PTP4A2: variants seen among roughly 807,000 people sequenced by gnomAD.
PTP4A2 encodes the protein protein tyrosine phosphatase 4A2.
In PTP4A2, 2 loss-of-function variants were observed where a neutral mutation model predicts 22.9. The observed-to-expected ratio is 0.09, with a 90% confidence interval of 0.04 to 0.27. The LOEUF (loss-of-function observed/expected upper bound fraction) is 0.27, where lower values mean the gene tolerates loss of function less well. PTP4A2 is among the 10% of genes least tolerant of loss of function. PTP4A2 has a pLI of 1.00. For synonymous variants in PTP4A2, 68 were observed against 69.1 expected, an observed-to-expected ratio of 0.98 and a Z score of 0.08; for missense variants, 103 against 205.1, an observed-to-expected ratio of 0.50 and a Z score of 3.04.
At chr1:31,919,963 C>T (rs1437523607) in intron 1 of PTP4A2, among the ~76,000 whole-genome samples, 1 of 148,272 alleles carries the variant, frequency 6.7e-6, no homozygotes, top group Non-Finnish European at 1.5e-5. Flanking sequence ...CCCGTCGCTA[C>T]TAAAAATACA....
Position 31,906,915 on chromosome 1 carries a change from T to A in PTP4A2, c.*1937A>T, listed in dbSNP as rs1651202855. The A allele has an allele frequency of 6.6e-6, 1 of 152,186 alleles. No individual in the cohort carries two copies. The highest frequency in any genetic ancestry group is 1.5e-5 in the Non-Finnish European group (1 of 68,030). The allele number at this position is 152,186 out of a possible 1,614,324, so 9.4% of individuals were successfully genotyped here. ...GCAGGTATGCTGTTTTGATCTTGAG[T>A]CTATATTAATGGAATCTATTGTTGC... On this transcript the variant is annotated 3_prime_UTR_variant, in exon 6 of 6. Transcript: ENST00000647444.
At chr1:31,918,818 G>C in intron 2 of PTP4A2, 152 bp downstream of exon 2, 3 of 520,872 alleles carry the variant, frequency 5.8e-6, no homozygotes. Flanking sequence ...AAATGTTCTT[G>C]AAAAAATCTG....
chr1:31,929,254 T>C (rs1196551553), intron 1 of PTP4A2, among the ~76,000 whole-genome samples: 6 of 152,254 alleles, frequency 3.9e-5, no homozygotes, highest in Non-Finnish European at 7.3e-5. Context: ...AACAGCACTA[T>C]GGCCAACGCC....
chr1:31,908,786 C>T lies in PTP4A2; in HGVS notation c.*66G>A, dbSNP rs1352967990. 8.8e-7 allele frequency: 1 copy of T among 1,130,090 alleles called. No individual in the cohort carries two copies. Among genetic ancestry groups the T allele is most frequent in the Admixed American group, 1.8e-5 (1 of 55,878 alleles). 70.0% of individuals were successfully genotyped at this position (1,130,090 alleles called of 1,614,324 possible). A position where few individuals can be genotyped will look rare whatever the true frequency, so the allele number is the denominator to read the frequency against. ...TGACACAGGTAATATTCCAGATTCACATTTCCAGGTACCAAGAGTTCCCTC... is the reference window on the plus strand; with the variant it reads ...TGACACAGGTAATATTCCAGATTCATATTTCCAGGTACCAAGAGTTCCCTC... On this transcript the variant is annotated 3_prime_UTR_variant, in exon 6 of 6. Transcript: ENST00000647444.
chr1:31,936,141 T>C (rs1261006357), intron 1 of PTP4A2, among the ~76,000 whole-genome samples: 1 of 152,024 alleles, frequency 6.6e-6, no homozygotes, highest in Non-Finnish European at 1.5e-5. Context: ...TGCCTGTAAT[T>C]CTATTATGTT....
At chr1:31,932,456 G>A (rs887248703) in intron 1 of PTP4A2, among the ~76,000 whole-genome samples, 26 of 152,200 alleles carry the variant, frequency 1.7e-4, no homozygotes, top group African/African-American at 6.3e-4. Flanking sequence ...ATGAAATTTA[G>A]TTTAGGCCAC....
Position 31,908,846 on chromosome 1 carries a change from T to C in PTP4A2, c.*6A>G. 1 of 1,601,104 alleles carries C rather than the reference T, an allele frequency of 6.2e-7. No individual in the cohort carries two copies. The highest frequency in any genetic ancestry group is 1.9e-4 in the Middle Eastern group (1 of 5,192). ...CAATCAAGTCAGCCTTCGTTTACAT[T>C]TCCTTCTACTGAACACAGCAATGCC... On this transcript the variant is annotated 3_prime_UTR_variant, in exon 6 of 6. Transcript: ENST00000647444.
At chr1:31,925,913 C>T (rs1252115158) in intron 1 of PTP4A2, among the ~76,000 whole-genome samples, 1 of 151,688 alleles carries the variant, frequency 6.6e-6, no homozygotes, top group Non-Finnish European at 1.5e-5. Context: ...TGGGAGGCCA[C>T]GGTGAGTGGA....
intron 1 of PTP4A2, among the ~76,000 whole-genome samples, chr1:31,928,051 GAAC>G (rs918753590): frequency 5.9e-5 from 9 of 151,418 alleles, no homozygotes; most frequent in Admixed American, 1.3e-4. Flanking sequence ...CAAGTAGATA[GAAC>G]AACAGTTCTA....
At chr1:31,912,236 C>T (rs2124150026) in intron 3 of PTP4A2, among the ~76,000 whole-genome samples, 1 of 152,330 alleles carries the variant, frequency 6.6e-6, no homozygotes, top group East Asian at 1.9e-4. Context: ...AGCATACCAA[C>T]TGGTGTCTCA....
chr1:31,922,609 T>C (rs1652222683), intron 1 of PTP4A2, among the ~76,000 whole-genome samples: 3 of 148,686 alleles, frequency 2.0e-5, no homozygotes, highest in Admixed American at 6.6e-5. Context: ...TTTCTTTCTT[T>C]CTTTCTTTCT....
intron 1 of PTP4A2, chr1:31,933,731 CAAAAT>C (rs898119435): frequency 1.3e-5 from 2 of 151,668 alleles, no homozygotes; most frequent in Admixed American, 1.3e-4. Context: ...TGGAAGAAAA[CAAAAT>C]AAAACAAAAC....
chr1:31,932,289 G>A (rs591833), intron 1 of PTP4A2, among the ~76,000 whole-genome samples: 43,192 of 152,046 alleles, frequency 0.28, 8,944 homozygotes, highest in African/African-American at 0.58. Flanking sequence ...GGAATTAAAT[G>A]CACCACTTCT....
intron 1 of PTP4A2, among the ~76,000 whole-genome samples, chr1:31,937,405 G>T (rs1056494960): frequency 5.9e-5 from 9 of 151,718 alleles, no homozygotes; most frequent in African/African-American, 2.2e-4. Context: ...ACACACCAGG[G>T]TTCACTATCG....
chr1:31,933,163 G>A (rs1289380627), intron 1 of PTP4A2: 2 of 152,194 alleles, frequency 1.3e-5, no homozygotes, highest in Non-Finnish European at 2.9e-5. Flanking sequence ...CACTATGCCT[G>A]GCTAGTTTTT....
At chr1:31,926,172 A>C (rs1001917351) in intron 1 of PTP4A2, among the ~76,000 whole-genome samples, 4 of 147,296 alleles carry the variant, frequency 2.7e-5, no homozygotes, top group East Asian at 2.0e-4. Flanking sequence ...ATATATATTT[A>C]TCTCTCCTAT....
intron 1 of PTP4A2, among the ~76,000 whole-genome samples, chr1:31,922,396 T>C (rs1013193987): frequency 6.6e-6 from 1 of 152,112 alleles, no homozygotes; most frequent in Non-Finnish European, 1.5e-5. Flanking sequence ...GGCAGGAGAA[T>C]TGCTTGAACC....
intron 1 of PTP4A2, among the ~76,000 whole-genome samples, chr1:31,922,596 T>TTG (rs1652218379): frequency 1.3e-5 from 1 of 79,224 alleles, no homozygotes; most frequent in African/African-American, 9.1e-5. Context: ...GTTTCTTTCT[T>TTG]TCTTTCTTTC....
chr1:31,928,555 C>T lies in PTP4A2; in HGVS notation c.-593-8897G>A, dbSNP rs370403822. Reference sequence around the variant, plus strand: ...TCTCTACCAAAAATACAAAAACTAGCCAGGTATTGTGGCGCATGGCTGTAG... The same window carrying T: ...TCTCTACCAAAAATACAAAAACTAGTCAGGTATTGTGGCGCATGGCTGTAG... On this transcript the variant is annotated intron_variant, in intron 1 of 5. Transcript: ENST00000647444. 2.6e-5 allele frequency among the ~76,000 whole-genome samples: 4 copies of T among 152,000 alleles called. No homozygotes were observed. The South Asian group carries it at 8.3e-4, about 32-fold the overall frequency.
Sources: gnomAD v4.1 joint callset for allele counts (sites outside exome capture counted in the v4.1 genomes callset) on GRCh38, gnomAD v4.1.1 for gene constraint, MANE v1.5 for transcripts, NCBI Gene and HGNC (gene_info 2026-07-23, HGNC 2026-07-21) for gene names.